The following GRIA4 variants were observed in gnomAD, a reference collection of about 807,000 sequenced individuals.
GRIA4 encodes the protein glutamate receptor 4.
In GRIA4, 34 loss-of-function variants were observed where a neutral mutation model predicts 104.0. That is an observed-to-expected ratio of 0.33 (90% CI 0.25 to 0.44). The LOEUF is 0.44. GRIA4 is among the 20% of genes least tolerant of loss of function. The pLI is 1.00. For synonymous variants in GRIA4, 386 were observed against 381.9 expected (o/e 1.01, Z -0.13); for missense variants, 750 against 1,096.5 (o/e 0.68, Z 4.46).
chr11:105,817,649 C>G (rs1356857749), intron 4 of GRIA4, among the ~76,000 whole-genome samples: 1 of 151,490 alleles, frequency 6.6e-6, no homozygotes, highest in Non-Finnish European at 1.5e-5. Flanking sequence ...AAATAATTAC[C>G]AATATTTTCT....
At chr11:105,717,765 G>A (rs1954147360) in intron 3 of GRIA4, among the ~76,000 whole-genome samples, 1 of 151,234 alleles carries the variant, frequency 6.6e-6, no homozygotes, top group South Asian at 2.1e-4. Context: ...ACAATGTGCA[G>A]GTTAGTTACA....
intron 14 of GRIA4, among the ~76,000 whole-genome samples, chr11:105,939,195 G>T (rs1402983029): frequency 6.6e-6 from 1 of 152,116 alleles, no homozygotes; most frequent in Non-Finnish European, 1.5e-5. Flanking sequence ...GAATTTATCA[G>T]TATTTTTTAA....
intron 4 of GRIA4, among the ~76,000 whole-genome samples, chr11:105,767,871 C>A (rs1003411270): frequency 1.3e-5 from 2 of 152,084 alleles, no homozygotes; most frequent in Non-Finnish European, 2.9e-5. Flanking sequence ...GATTAAAAAT[C>A]TGTGCCCTTA....
Position 105,909,247 on chromosome 11 carries a change from C to T in GRIA4, c.1159-1188C>T, listed in dbSNP as rs146136406. Among the ~76,000 whole-genome samples, 851 of 152,238 alleles carry T rather than the reference C, an allele frequency of 5.6e-3. 4 individuals carry two copies. The highest frequency in any genetic ancestry group is 8.5e-3 in the Non-Finnish European group (581 of 67,992). ...ATTTAAATATGCTCATAAATACTAA[C>T]ATGGCAGTTGAGAAACTTGAATTAG... is the stretch of plus-strand genomic sequence containing the variant. On this transcript the variant is annotated intron_variant, in intron 9 of 16. Transcript: ENST00000282499.
intron 4 of GRIA4, among the ~76,000 whole-genome samples, chr11:105,809,581 G>A (rs188633163): frequency 1.1e-3 from 170 of 152,168 alleles, no homozygotes; most frequent in African/African-American, 3.6e-3. Flanking sequence ...ATGCTGTCGC[G>A]TGATAGTGAG....
chr11:105,958,941 A>C (rs1948662658), intron 14 of GRIA4, among the ~76,000 whole-genome samples: 1 of 152,158 alleles, frequency 6.6e-6, no homozygotes, highest in African/African-American at 2.4e-5. Context: ...ATTGACCCCC[A>C]ATCTATTCTA....
chr11:105,830,019 A>G (rs189895698), intron 4 of GRIA4, among the ~76,000 whole-genome samples: 42 of 152,110 alleles, frequency 2.8e-4, no homozygotes, highest in South Asian at 1.7e-3. Context: ...TAAATCTGAT[A>G]CTGAAAGGAC....
At chr11:105,876,946 TC>T (rs1297119397) in intron 5 of GRIA4, among the ~76,000 whole-genome samples, 1 of 152,198 alleles carries the variant, frequency 6.6e-6, no homozygotes, top group Non-Finnish European at 1.5e-5. Flanking sequence ...GTGAATTTGA[TC>T]CATCATTATG....
At chr11:105,812,443 C>G (rs1943213343) in intron 4 of GRIA4, among the ~76,000 whole-genome samples, 1 of 152,180 alleles carries the variant, frequency 6.6e-6, no homozygotes, top group East Asian at 1.9e-4. Context: ...ATCAGCCACA[C>G]CTTGATTTGA....
intron 3 of GRIA4, among the ~76,000 whole-genome samples, chr11:105,685,232 A>G (rs1215116535): frequency 6.6e-6 from 1 of 152,124 alleles, no homozygotes; most frequent in African/African-American, 2.4e-5. Flanking sequence ...GAGACTCCTT[A>G]GGACGCACTT....
chr11:105,934,191 C>T (rs1413289382), intron 14 of GRIA4, among the ~76,000 whole-genome samples: 1 of 151,992 alleles, frequency 6.6e-6, no homozygotes, highest in Non-Finnish European at 1.5e-5. Flanking sequence ...CATATAAAAA[C>T]CAAACTGGTT....
At chr11:105,860,147 A>AT (rs984996688) in intron 4 of GRIA4, among the ~76,000 whole-genome samples, 1 of 152,060 alleles carries the variant, frequency 6.6e-6, no homozygotes, top group East Asian at 1.9e-4. Flanking sequence ...TCTTCGGGGA[A>AT]TTTTTTTTCA....
chr11:105,814,376 A>T (rs911955056), intron 4 of GRIA4, among the ~76,000 whole-genome samples: 4 of 152,162 alleles, frequency 2.6e-5, no homozygotes, highest in Non-Finnish European at 5.9e-5. Context: ...ATTACTATTG[A>T]TTCACACTCA....
intron 3 of GRIA4, among the ~76,000 whole-genome samples, chr11:105,675,353 A>C (rs1162444332): frequency 6.6e-6 from 1 of 151,892 alleles, no homozygotes; most frequent in Non-Finnish European, 1.5e-5. Context: ...ATCAAAATTT[A>C]TTTACTGGAG....
chr11:105,767,452 G>T (rs1241184178), intron 4 of GRIA4, among the ~76,000 whole-genome samples: 8 of 152,090 alleles, frequency 5.3e-5, no homozygotes, highest in African/African-American at 1.9e-4. Flanking sequence ...AGCATGTTTT[G>T]TTCTAAATTT....
chr11:105,681,414 T>C (rs558175964), intron 3 of GRIA4, among the ~76,000 whole-genome samples: 1 of 152,176 alleles, frequency 6.6e-6, no homozygotes, highest in Admixed American at 6.5e-5. Flanking sequence ...CATGAAGAAA[T>C]GTGGCTTCAA....
chr11:105,964,840 CTT>C (rs1189413566), intron 14 of GRIA4, among the ~76,000 whole-genome samples: 2 of 145,436 alleles, frequency 1.4e-5, no homozygotes, highest in African/African-American at 2.5e-5. Flanking sequence ...AAGTTTTGCT[CTT>C]GTCGCCCAGG....
intron 6 of GRIA4, among the ~76,000 whole-genome samples, chr11:105,890,126 A>G (rs1412470872): frequency 6.6e-6 from 1 of 152,190 alleles, no homozygotes; most frequent in Non-Finnish European, 1.5e-5. Context: ...TTTACCAAAA[A>G]GAGAACAATG....
At chr11:105,758,840 G>A (rs1272330831) in intron 4 of GRIA4, among the ~76,000 whole-genome samples, 1 of 152,044 alleles carries the variant, frequency 6.6e-6, no homozygotes, top group South Asian at 2.1e-4. Flanking sequence ...CTTAGAGTTG[G>A]ACTTATGACA....
Sources: allele counts gnomAD v4.1 joint callset (sites outside exome capture counted in the v4.1 genomes callset), GRCh38; gene constraint gnomAD v4.1.1; transcripts MANE v1.5; gene names NCBI Gene and HGNC (gene_info 2026-07-23, HGNC 2026-07-21).